HTR2C: variants seen among roughly 807,000 people sequenced by gnomAD.
HTR2C encodes the protein 5-hydroxytryptamine receptor 2C.
In HTR2C, 5 loss-of-function variants were observed where a neutral mutation model predicts 21.0. The ratio of observed to expected loss-of-function variants is 0.24; its 90% CI spans 0.12 to 0.50. The LOEUF (loss-of-function observed/expected upper bound fraction) is 0.50. HTR2C is among the 20% of genes least tolerant of loss of function. HTR2C has a pLI of 0.98. For synonymous variants in HTR2C, 150 were observed against 145.3 expected (o/e 1.03, Z -0.23); for missense variants, 271 against 371.2 (o/e 0.73, Z 2.22).
intron 2 of HTR2C, among the ~76,000 whole-genome samples, chrX:114,683,675 A>G (rs1377588998): frequency 9.0e-6 from 1 of 110,805 alleles, no homozygotes; most frequent in Non-Finnish European, 1.9e-5. Flanking sequence ...GCTACTCAGG[A>G]CCTCAGCTCC....
intron 4 of HTR2C, among the ~76,000 whole-genome samples, chrX:114,756,685 A>G (rs1338259010): frequency 1.8e-5 from 2 of 112,136 alleles, no homozygotes; most frequent in Non-Finnish European, 3.8e-5. Context: ...TGGGGAGCAG[A>G]GAAGGAAAGT....
rs1471547971 is a variant in HTR2C at position 114,909,313 on chromosome X, T to A, written c.*1898T>A. 1 of 112,788 alleles carries A rather than the reference T, an allele frequency of 8.9e-6. No individual in the cohort carries two copies. Among genetic ancestry groups the A allele is most frequent in the Non-Finnish European group, 1.9e-5 (1 of 53,321 alleles). 9.3% of individuals were successfully genotyped at this position (112,788 alleles called of 1,213,427 possible). On this transcript the variant is annotated 3_prime_UTR_variant, in exon 6 of 6. Coordinates refer to ENST00000276198, the MANE Select transcript of HTR2C (RefSeq NM_000868.4). Reference sequence around the variant, plus strand: ...TGAAAATGGCTGAAGAAACACAGCATGCATTTAGCATGAGTTCTGCACATA... The same window carrying A: ...TGAAAATGGCTGAAGAAACACAGCAAGCATTTAGCATGAGTTCTGCACATA...
At chrX:114,858,745 G>T (rs2070983369) in intron 5 of HTR2C, among the ~76,000 whole-genome samples, 1 of 110,314 alleles carries the variant, frequency 9.1e-6, no homozygotes. Flanking sequence ...AGTGGAAGTA[G>T]TAGACATCTT....
chrX:114,747,526 G>T, intron 4 of HTR2C, among the ~76,000 whole-genome samples: 1 of 112,501 alleles, frequency 8.9e-6, no homozygotes, highest in Middle Eastern at 4.6e-3. Context: ...ACAGTAGCCT[G>T]CTTCTGAAAT....
At chrX:114,840,138 TCA>T (rs1569498807) in intron 4 of HTR2C, among the ~76,000 whole-genome samples, 1 of 110,099 alleles carries the variant, frequency 9.1e-6, no homozygotes, top group African/African-American at 3.3e-5. Flanking sequence ...GACAACTCAT[TCA>T]CACACACACT....
chrX:114,740,297 A>G (rs1556425120), intron 4 of HTR2C, among the ~76,000 whole-genome samples: 1 of 109,935 alleles, frequency 9.1e-6, no homozygotes, highest in African/African-American at 3.3e-5. Flanking sequence ...GATTGGCAAA[A>G]TATGACAAGC....
chrX:114,823,339 A>G (rs1279731233), intron 4 of HTR2C: 1 of 321,937 alleles, frequency 3.1e-6, no homozygotes, highest in Admixed American at 3.2e-5. Flanking sequence ...TCAGGAAAAG[A>G]CCACCAGGCC....
intron 2 of HTR2C, among the ~76,000 whole-genome samples, chrX:114,714,722 C>T (rs1401995943): frequency 1.8e-5 from 2 of 111,669 alleles, no homozygotes; most frequent in Non-Finnish European, 3.8e-5. Context: ...CAAGAAAACC[C>T]AATTCACAGC....
At position 114,906,756 on chromosome X, in the gene HTR2C, G is replaced by A; in HGVS notation, c.718G>A (p.Val240Ile). 8.3e-7 allele frequency: 1 copy of A among 1,211,073 alleles called. No individual in the cohort carries two copies. Among genetic ancestry groups the A allele is most frequent in the Non-Finnish European group, 1.1e-6 (1 of 895,349 alleles). ...GATTACGTATTGCCTGACCATCTACGTTCTGCGCCGACAAGCTTTGATGTT... is the reference window on the plus strand; with the variant it reads ...GATTACGTATTGCCTGACCATCTACATTCTGCGCCGACAAGCTTTGATGTT... ...MVITYCLTIY[V>I]LRRQALMLLH... Residue 240 changes from valine (V) to isoleucine (I), a missense_variant, in exon 6 of 6, where the codon GTT becomes ATT. Physicochemically the swap from Val to Ile is conservative, Grantham distance 29. Coordinates refer to ENST00000276198, the MANE Select transcript of HTR2C (RefSeq NM_000868.4).
chrX:114,711,426 A>G (rs1358954894), intron 2 of HTR2C, among the ~76,000 whole-genome samples: 3 of 111,800 alleles, frequency 2.7e-5, no homozygotes, highest in African/African-American at 9.7e-5. Flanking sequence ...TCTTGAAAAC[A>G]TTTAGACATT....
At chrX:114,629,927 A>T (rs782376106) in intron 2 of HTR2C, among the ~76,000 whole-genome samples, 1 of 111,530 alleles carries the variant, frequency 9.0e-6, no homozygotes, top group African/African-American at 3.3e-5. Context: ...TTGGTTCATA[A>T]AATTTTATCT....
chrX:114,895,530 T>C (rs1005430873), intron 5 of HTR2C, among the ~76,000 whole-genome samples: 6 of 111,950 alleles, frequency 5.4e-5, no homozygotes, highest in Admixed American at 4.8e-4. Context: ...CTTTATCATG[T>C]ATCTGTTTTC....
chrX:114,676,015 G>A (rs1556412546), intron 2 of HTR2C, among the ~76,000 whole-genome samples: 1 of 109,149 alleles, frequency 9.2e-6, no homozygotes, highest in East Asian at 2.9e-4. Flanking sequence ...GATTATAGGC[G>A]CCTGCCACCA....
chrX:114,602,352 G>A lies in HTR2C; in HGVS notation c.-146-11463G>A, dbSNP rs1298332201. Among the ~76,000 whole-genome samples, 63 of 31,382 alleles carry A rather than the reference G, an allele frequency of 2.0e-3. 4 individuals carry two copies. Among genetic ancestry groups the A allele is most frequent in the African/African-American group, 6.7e-3 (60 of 9,018 alleles). 27.3% of individuals were successfully genotyped at this position (31,382 alleles called of 115,157 possible). On this transcript the variant is annotated intron_variant, in intron 1 of 5. Coordinates refer to ENST00000276198, the MANE Select transcript of HTR2C (RefSeq NM_000868.4). ...GTCTGGTGTCTGGAATGAGACTGGG[G>A]CCTAATAAAAAGGAGCGTCTATACA...
chrX:114,796,008 T>C, intron 4 of HTR2C, among the ~76,000 whole-genome samples: 1 of 111,546 alleles, frequency 9.0e-6, no homozygotes, highest in East Asian at 2.8e-4. Context: ...TTGTTGCTGT[T>C]GTTTTCCCTT....
intron 1 of HTR2C, among the ~76,000 whole-genome samples, chrX:114,608,237 G>A (rs1423460749): frequency 9.0e-6 from 1 of 111,210 alleles, no homozygotes; most frequent in Non-Finnish European, 1.9e-5. Flanking sequence ...CTTTAACTCC[G>A]AATCACTTTT....
chrX:114,765,665 C>T (rs1259014741), intron 4 of HTR2C, among the ~76,000 whole-genome samples: 1 of 111,429 alleles, frequency 9.0e-6, no homozygotes, highest in Non-Finnish European at 1.9e-5. Flanking sequence ...TCTAGAGACA[C>T]AGAGTAACAT....
chrX:114,856,391 A>ACTGC (rs1292973871), intron 5 of HTR2C, among the ~76,000 whole-genome samples: 1 of 100,589 alleles, frequency 9.9e-6, no homozygotes, highest in African/African-American at 3.6e-5. Context: ...AAATGGCCAT[A>ACTGC]CTGCCCAAGG....
intron 2 of HTR2C, among the ~76,000 whole-genome samples, chrX:114,723,974 G>GA (rs1569487778): frequency 1.0e-5 from 1 of 98,332 alleles, no homozygotes; most frequent in African/African-American, 3.6e-5. Context: ...GTGTGGTGCT[G>GA]AAAAAAATGT....
Sources: allele counts gnomAD v4.1 joint callset (sites outside exome capture counted in the v4.1 genomes callset), GRCh38; gene constraint gnomAD v4.1.1; transcripts MANE v1.5; gene names NCBI Gene and HGNC (gene_info 2026-07-23, HGNC 2026-07-21).